CDK19: variants seen among roughly 807,000 people sequenced by gnomAD.
CDK19 encodes cyclin-dependent kinase 19.
In CDK19, 20 loss-of-function variants were observed where a neutral mutation model predicts 68.3. The observed-to-expected ratio is 0.29, with a 90% CI of 0.21 to 0.43. The LOEUF is 0.43. Ranked by LOEUF, CDK19 falls within the 20% of genes least tolerant of loss-of-function variation. CDK19 has a pLI of 1.00. For synonymous variants in CDK19, 221 were observed against 222.8 expected (o/e 0.99, Z 0.07); for missense variants, 339 against 623.5 (o/e 0.54, Z 4.86).
At chr6:110,753,850 T>G (rs1314381019) in intron 1 of CDK19, among the ~76,000 whole-genome samples, 1 of 152,188 alleles carries the variant, frequency 6.6e-6, no homozygotes. Context: ...GGTCCACTAA[T>G]GCTTCAAATC....
chr6:110,786,894 G>C lies in CDK19; in HGVS notation c.128+28115C>G, dbSNP rs1781264305. Reference sequence around the variant, plus strand: ...CTGGTGTTTATCTTTTCCTTCCAAGGCTCAGGGGTTAGCAGCTTTATAGAT... The same window carrying C: ...CTGGTGTTTATCTTTTCCTTCCAAGCCTCAGGGGTTAGCAGCTTTATAGAT... On this transcript the variant is annotated intron_variant, in intron 1 of 12. Coordinates refer to ENST00000368911, the MANE Select transcript of CDK19 (RefSeq NM_015076.5). Among the ~76,000 whole-genome samples the C allele has an allele frequency of 3.9e-5, 6 of 152,136 alleles. 2 individuals carry two copies. The South Asian group carries it at 1.2e-3, about 32-fold the overall frequency.
chr6:110,716,150 A>G (rs1775372400), intron 2 of CDK19, among the ~76,000 whole-genome samples: 1 of 152,180 alleles, frequency 6.6e-6, no homozygotes, highest in African/African-American at 2.4e-5. Flanking sequence ...AAGATATAAC[A>G]TATTTCTTTA....
intron 1 of CDK19, among the ~76,000 whole-genome samples, chr6:110,806,775 C>T (rs1476003631): frequency 6.6e-6 from 1 of 151,728 alleles, no homozygotes; most frequent in African/African-American, 2.4e-5. Context: ...GTCAGGAGTT[C>T]GAGACCAGCC....
At chr6:110,708,643 T>A (rs1175356747) in intron 2 of CDK19, among the ~76,000 whole-genome samples, 1 of 152,162 alleles carries the variant, frequency 6.6e-6, no homozygotes, top group African/African-American at 2.4e-5. Context: ...CCTCTACTCT[T>A]ACTTTACTGT....
intron 6 of CDK19, among the ~76,000 whole-genome samples, chr6:110,631,469 A>C (rs1453982331): frequency 6.6e-6 from 1 of 152,148 alleles, no homozygotes; most frequent in Non-Finnish European, 1.5e-5. Flanking sequence ...AGATTTTCTT[A>C]CTCAGTTTTT....
intron 1 of CDK19, among the ~76,000 whole-genome samples, chr6:110,805,163 GACTAATCAGCTA>G (rs1782597636): frequency 6.6e-6 from 1 of 151,924 alleles, no homozygotes; most frequent in Admixed American, 6.6e-5. Flanking sequence ...GGAAGTGTTG[GACTAATCAGCTA>G]TTTGTAAATG....
At chr6:110,779,100 C>G (rs1482782139) in intron 1 of CDK19, among the ~76,000 whole-genome samples, 1 of 152,114 alleles carries the variant, frequency 6.6e-6, no homozygotes, top group African/African-American at 2.4e-5. Context: ...AGTGATCTTT[C>G]TAAAATACAA....
At chr6:110,617,853 T>A (rs1170477140) in intron 12 of CDK19, among the ~76,000 whole-genome samples, 2 of 81,942 alleles carry the variant, frequency 2.4e-5, no homozygotes, top group Non-Finnish European at 4.2e-5. Flanking sequence ...TGAGACTCTG[T>A]CTCAAAAAAA....
chr6:110,621,387 A>G lies in CDK19; in HGVS notation c.1111-17T>C. Reference sequence around the variant, plus strand: ...TTGCTGATTCTTTTAAGGGGAAAAAAGCAAGCTTGGTATGAAACCAAATTA... The same window carrying G: ...TTGCTGATTCTTTTAAGGGGAAAAAGGCAAGCTTGGTATGAAACCAAATTA... On this transcript the variant is annotated splice_polypyrimidine_tract_variant and intron_variant, in intron 11 of 12. Transcript: ENST00000368911. The surrounding 1 kb of genome is among the most constrained non-coding windows in gnomAD (Gnocchi z 5.4). The G allele has an allele frequency of 3.3e-6, 5 of 1,523,452 alleles. No individual in the cohort carries two copies. Among genetic ancestry groups the G allele is most frequent in the Non-Finnish European group, 4.4e-6 (5 of 1,137,914 alleles). 94.4% of individuals were successfully genotyped at this position (1,523,452 alleles called of 1,614,324 possible).
intron 2 of CDK19, among the ~76,000 whole-genome samples, chr6:110,711,329 A>G (rs1774923845): frequency 6.6e-6 from 1 of 152,236 alleles, no homozygotes; most frequent in South Asian, 2.1e-4. Flanking sequence ...AAAGCTAATT[A>G]CTTTCTTAAA....
intron 2 of CDK19, among the ~76,000 whole-genome samples, chr6:110,714,841 C>A (rs1164586248): frequency 6.7e-6 from 1 of 150,302 alleles, no homozygotes; most frequent in African/African-American, 2.5e-5. Context: ...GCAAGCAATT[C>A]TCCTGCCTCA....
intron 4 of CDK19, among the ~76,000 whole-genome samples, chr6:110,651,921 G>A (rs1355232422): frequency 1.2e-4 from 18 of 152,032 alleles, no homozygotes; most frequent in Non-Finnish European, 2.6e-4. Flanking sequence ...AATAAAGCAA[G>A]CAAGCAAAGG....
intron 2 of CDK19, among the ~76,000 whole-genome samples, chr6:110,723,013 T>A (rs933792133): frequency 5.3e-5 from 8 of 152,072 alleles, no homozygotes; most frequent in Non-Finnish European, 8.8e-5. Context: ...CACAGGCTCT[T>A]CCAAAACCTT....
At chr6:110,806,606 TGA>T (rs1401812364) in intron 1 of CDK19, among the ~76,000 whole-genome samples, 2 of 152,150 alleles carry the variant, frequency 1.3e-5, no homozygotes, top group African/African-American at 4.8e-5. Context: ...GTCAATACAA[TGA>T]GATACAACAA....
At chr6:110,661,482 C>A (rs1209310925) in intron 4 of CDK19, among the ~76,000 whole-genome samples, 5 of 152,108 alleles carry the variant, frequency 3.3e-5, no homozygotes, top group Middle Eastern at 3.4e-3. Flanking sequence ...CACTATGTTG[C>A]CAGACAGGTG....
chr6:110,769,568 A>G (rs1779851799), intron 1 of CDK19, among the ~76,000 whole-genome samples: 2 of 138,954 alleles, frequency 1.4e-5, no homozygotes. Context: ...CCATCTCAAA[A>G]AAAAAAAAAA....
chr6:110,815,251 G>GCGCGCGCGC lies in CDK19; in HGVS notation c.-116_-115insGCGCGCGCG, dbSNP rs1783543427. The GCGCGCGCGC allele has an allele frequency of 1.7e-6, 2 of 1,198,732 alleles. No individual in the cohort carries two copies. Among genetic ancestry groups the GCGCGCGCGC allele is most frequent in the African/African-American group, 3.4e-5 (2 of 59,630 alleles). 74.3% of individuals were successfully genotyped at this position (1,198,732 alleles called of 1,614,324 possible). A position where few individuals can be genotyped will look rare whatever the true frequency, so the allele number is the denominator to read the frequency against. ...TCCAACAGCCGCCTCTCGCGCGCGC[G>GCGCGCGCGC]CGCGCGCCGCCCGCCGCCCGCCGCT... On this transcript the variant is annotated 5_prime_UTR_variant, in exon 1 of 13. Coordinates refer to ENST00000368911, the MANE Select transcript of CDK19 (RefSeq NM_015076.5).
intron 1 of CDK19, among the ~76,000 whole-genome samples, chr6:110,804,405 C>A (rs758279121): frequency 6.6e-6 from 1 of 151,760 alleles, no homozygotes; most frequent in African/African-American, 2.4e-5. Flanking sequence ...TGCAATGGCG[C>A]GATCTCGGCT....
chr6:110,815,167 CGGGGG>C lies in CDK19; in HGVS notation c.-36_-32del. Reference sequence around the variant, plus strand: ...GCTTCCCCCATAGAGGCACGGGACGCGGGGGCCGCCGCCGCTCAGTCCCTCCTCCT... The same window carrying C: ...GCTTCCCCCATAGAGGCACGGGACGCCCGCCGCCGCTCAGTCCCTCCTCCT... On this transcript the variant is annotated 5_prime_UTR_variant, in exon 1 of 13. Coordinates refer to ENST00000368911, the MANE Select transcript of CDK19 (RefSeq NM_015076.5). 3 of 1,535,282 alleles carry C rather than the reference CGGGGG, an allele frequency of 2.0e-6. No homozygotes were observed. In the South Asian group the frequency reaches 3.5e-5, roughly 18 times the overall value.
Sources: gnomAD v4.1 joint callset for allele counts (sites outside exome capture counted in the v4.1 genomes callset) on GRCh38, gnomAD v4.1.1 for gene constraint, Gnocchi (gnomAD v3.1) non-coding constraint, MANE v1.5 for transcripts, NCBI Gene and HGNC (gene_info 2026-07-23, HGNC 2026-07-21) for gene names.